The following KIAA1217 variants were observed in gnomAD, a reference collection of about 807,000 sequenced individuals.
KIAA1217 encodes the protein KIAA1217.
A neutral mutation model predicts 163.9 loss-of-function variants in KIAA1217; 88 were observed. The observed-to-expected ratio is 0.54, with a 90% CI of 0.45 to 0.64. The LOEUF is 0.64. Among genes scored for constraint, KIAA1217 ranks in the 30% least tolerant of loss-of-function variants. KIAA1217 has a pLI of 0.00. For synonymous variants in KIAA1217, 903 were observed against 923.1 expected (o/e 0.98, Z 0.39); for missense variants, 2,372 against 2,475.0 (o/e 0.96, Z 0.88).
At chr10:24,462,660 G>A (rs1370970445) in intron 5 of KIAA1217, among the ~76,000 whole-genome samples, 2 of 152,188 alleles carry the variant, frequency 1.3e-5, no homozygotes, top group Non-Finnish European at 2.9e-5. Flanking sequence ...TGGAGCCCAT[G>A]AAATGTCACA....
At chr10:24,154,866 G>A (rs575163179) in intron 2 of KIAA1217, among the ~76,000 whole-genome samples, 1 of 151,328 alleles carries the variant, frequency 6.6e-6, no homozygotes, top group Admixed American at 6.6e-5. Flanking sequence ...GGCAAAGGTT[G>A]CAGTGAGCCA....
At chr10:23,854,872 T>A (rs1023675104) in intron 1 of KIAA1217, among the ~76,000 whole-genome samples, 4 of 152,196 alleles carry the variant, frequency 2.6e-5, no homozygotes, top group African/African-American at 7.2e-5. Flanking sequence ...GCTTGGTAGA[T>A]CTTCCTCCAT....
intron 1 of KIAA1217, among the ~76,000 whole-genome samples, chr10:23,888,341 C>T (rs997662750): frequency 2.6e-5 from 4 of 151,912 alleles, no homozygotes; most frequent in Non-Finnish European, 4.4e-5. Flanking sequence ...GTTCAAATTG[C>T]TTTTTCCTTC....
intron 2 of KIAA1217, among the ~76,000 whole-genome samples, chr10:24,134,721 A>G (rs1440364663): frequency 6.6e-6 from 1 of 152,092 alleles, no homozygotes; most frequent in Non-Finnish European, 1.5e-5. Flanking sequence ...CTATAGGCAC[A>G]AGCCACCACA....
chr10:24,153,278 G>A (rs547498217), intron 2 of KIAA1217, among the ~76,000 whole-genome samples: 1 of 152,212 alleles, frequency 6.6e-6, no homozygotes, highest in Non-Finnish European at 1.5e-5. Flanking sequence ...GCCGGGAAGG[G>A]TTAGTTTATA....
chr10:24,083,487 G>A (rs1327589474), intron 2 of KIAA1217, among the ~76,000 whole-genome samples: 1 of 152,218 alleles, frequency 6.6e-6, no homozygotes, highest in East Asian at 1.9e-4. Context: ...ATAATTGCTT[G>A]CTAGCCTTGT....
At chr10:24,141,235 C>CCCA (rs2064065935) in intron 2 of KIAA1217, among the ~76,000 whole-genome samples, 2 of 135,204 alleles carry the variant, frequency 1.5e-5, no homozygotes, top group Non-Finnish European at 3.2e-5. Context: ...ACCCCCCCCC[C>CCCA]CCATTTCTCT....
At chr10:24,468,377 A>G (rs2063166069) in intron 5 of KIAA1217, among the ~76,000 whole-genome samples, 1 of 152,224 alleles carries the variant, frequency 6.6e-6, no homozygotes, top group Non-Finnish European at 1.5e-5. Context: ...GTTTAGAGCC[A>G]AGGATGAAAT....
intron 1 of KIAA1217, among the ~76,000 whole-genome samples, chr10:24,216,207 C>T (rs1001820043): frequency 6.6e-6 from 1 of 152,144 alleles, no homozygotes; most frequent in African/African-American, 2.4e-5. Context: ...TTCCATCTCC[C>T]TTCCCAACTC....
intron 1 of KIAA1217, among the ~76,000 whole-genome samples, chr10:23,788,150 A>T (rs1835580225): frequency 6.6e-6 from 1 of 152,140 alleles, no homozygotes; most frequent in Non-Finnish European, 1.5e-5. Flanking sequence ...GTGAACTATG[A>T]CTACACCACT....
chr10:23,701,425 A>G (rs1277993653), intron 1 of KIAA1217, among the ~76,000 whole-genome samples: 1 of 152,168 alleles, frequency 6.6e-6, no homozygotes, highest in Non-Finnish European at 1.5e-5. Flanking sequence ...TCTCATGTCC[A>G]TGCAAGTCGT....
intron 1 of KIAA1217, among the ~76,000 whole-genome samples, chr10:23,797,657 AG>A (rs755970859): frequency 6.6e-6 from 1 of 152,138 alleles, no homozygotes; most frequent in African/African-American, 2.4e-5. Flanking sequence ...AGCTAGCAAA[AG>A]GGGAAGTGCC....
chr10:23,828,625 G>T (rs1838020332), intron 1 of KIAA1217, among the ~76,000 whole-genome samples: 1 of 152,160 alleles, frequency 6.6e-6, no homozygotes, highest in Non-Finnish European at 1.5e-5. Context: ...TGTATGGGTT[G>T]CTTAAAAGCA....
At chr10:24,431,555 G>T (rs529627536) in intron 3 of KIAA1217, among the ~76,000 whole-genome samples, 111 of 152,228 alleles carry the variant, frequency 7.3e-4, no homozygotes, top group African/African-American at 2.4e-3. Flanking sequence ...GCTGTAAAAT[G>T]GGCGCTTAGA....
Position 24,088,880 on chromosome 10 carries a change from A to G in KIAA1217, c.-171+81506A>G, listed in dbSNP as rs1276630663. On this transcript the variant is annotated intron_variant, in intron 2 of 18. Coordinates refer to the KIAA1217 transcript ENST00000376462. Reference sequence around the variant, plus strand: ...CTGAGGAATCGCCACACTGACTTCCACAATGGTTGAACTAGTTTACAGTCC... The same window carrying G: ...CTGAGGAATCGCCACACTGACTTCCGCAATGGTTGAACTAGTTTACAGTCC... Among the ~76,000 whole-genome samples the G allele has an allele frequency of 2.4e-5, 3 of 124,946 alleles. 1 individual carries two copies. The highest frequency in any genetic ancestry group is 5.9e-5 in the Non-Finnish European group (3 of 50,482). The allele number at this position is 124,946 out of a possible 152,430, so 82.0% of individuals were successfully genotyped here. A position where few individuals can be genotyped will look rare whatever the true frequency, so the allele number is the denominator to read the frequency against.
At chr10:24,014,160 G>C (rs1376237227) in intron 2 of KIAA1217, among the ~76,000 whole-genome samples, 3 of 151,994 alleles carry the variant, frequency 2.0e-5, no homozygotes, top group Non-Finnish European at 2.9e-5. Context: ...CTGTCTCCTG[G>C]CTACCCAGAA....
chr10:24,119,674 C>G (rs777193039), intron 2 of KIAA1217, among the ~76,000 whole-genome samples: 12 of 152,080 alleles, frequency 7.9e-5, no homozygotes, highest in Non-Finnish European at 1.8e-4. Context: ...ATGTCCTGTT[C>G]CCTTAGGGGC....
intron 3 of KIAA1217, among the ~76,000 whole-genome samples, chr10:24,400,795 A>G (rs1026827700): frequency 6.6e-6 from 1 of 152,146 alleles, no homozygotes. Context: ...AGACAGGATC[A>G]AGCAACCAGG....
intron 2 of KIAA1217, among the ~76,000 whole-genome samples, chr10:24,160,847 A>C (rs1025937069): frequency 1.4e-4 from 22 of 152,194 alleles, no homozygotes; most frequent in Admixed American, 1.4e-3. Flanking sequence ...TGAGAACTTC[A>C]ACTTTTGCAC....
Sources: gnomAD v4.1 joint callset for allele counts (sites outside exome capture counted in the v4.1 genomes callset) on GRCh38, gnomAD v4.1.1 for gene constraint, MANE v1.5 for transcripts, NCBI Gene and HGNC (gene_info 2026-07-23, HGNC 2026-07-21) for gene names.